The following NRXN3 variants were observed in gnomAD, a reference collection of about 807,000 sequenced individuals.
The protein encoded by NRXN3 is neurexin 3.
In NRXN3, 32 loss-of-function variants were observed where a neutral mutation model predicts 137.6. The ratio of observed to expected loss-of-function variants is 0.23; its 90% CI spans 0.18 to 0.31. The LOEUF (loss-of-function observed/expected upper bound fraction) is 0.31, where lower values mean the gene tolerates loss of function less well. NRXN3 is among the 10% of genes least tolerant of loss of function. NRXN3 has a pLI of 1.00. For missense variants in NRXN3, 1,574 were observed against 2,062.5 expected, an observed-to-expected ratio of 0.76 and a Z score of 4.59; for synonymous variants, 798 against 784.5, an observed-to-expected ratio of 1.02 and a Z score of -0.29.
chr14:78,931,290 G>C (rs1202164491), intron 10 of NRXN3, among the ~76,000 whole-genome samples: 1 of 152,064 alleles, frequency 6.6e-6, no homozygotes, highest in Non-Finnish European at 1.5e-5. Flanking sequence ...TTGGTTGTTG[G>C]GGGCAGTCGT....
intron 15 of NRXN3, among the ~76,000 whole-genome samples, chr14:79,329,220 T>C (rs1241371930): frequency 6.6e-6 from 1 of 152,178 alleles, no homozygotes; most frequent in Non-Finnish European, 1.5e-5. Context: ...CAGAATCTTC[T>C]ACTCCCGGGG....
intron 19 of NRXN3, among the ~76,000 whole-genome samples, chr14:79,721,610 T>G (rs2098844956): frequency 6.6e-6 from 1 of 152,106 alleles, no homozygotes; most frequent in South Asian, 2.1e-4. Context: ...AAGAGCTAAA[T>G]ACGTATAGGT....
At chr14:79,349,580 AC>A (rs1239919466) in intron 15 of NRXN3, among the ~76,000 whole-genome samples, 2 of 151,308 alleles carry the variant, frequency 1.3e-5, no homozygotes, top group Non-Finnish European at 2.9e-5. Flanking sequence ...ACACACACAC[AC>A]ACACACAGAC....
chr14:78,668,342 C>A (rs566677701), intron 6 of NRXN3, among the ~76,000 whole-genome samples: 3 of 152,244 alleles, frequency 2.0e-5, no homozygotes, highest in Non-Finnish European at 4.4e-5. Context: ...GTTTGGAATG[C>A]AAAGTGAACT....
At chr14:78,960,383 C>T (rs929456367) in intron 11 of NRXN3, among the ~76,000 whole-genome samples, 1 of 152,134 alleles carries the variant, frequency 6.6e-6, no homozygotes, top group Non-Finnish European at 1.5e-5. Context: ...TAAGTAGTAT[C>T]TCATTGGCTT....
chr14:78,196,807 G>T (rs148002728), intron 1 of NRXN3, among the ~76,000 whole-genome samples: 1 of 152,330 alleles, frequency 6.6e-6, no homozygotes, highest in East Asian at 1.9e-4. Context: ...ACGGGAGAAG[G>T]CTTCCTTACA....
intron 20 of NRXN3, among the ~76,000 whole-genome samples, chr14:79,811,456 C>T (rs866865691): frequency 1.4e-4 from 22 of 152,118 alleles, no homozygotes; most frequent in African/African-American, 4.8e-5. Context: ...ATTTTTCAAC[C>T]GCCTTCATTG....
At chr14:78,513,522 T>C (rs902149083) in intron 4 of NRXN3, among the ~76,000 whole-genome samples, 1 of 152,132 alleles carries the variant, frequency 6.6e-6, no homozygotes, top group Admixed American at 6.6e-5. Flanking sequence ...ATCTAGGCAA[T>C]CTCATTTCGC....
intron 6 of NRXN3, among the ~76,000 whole-genome samples, chr14:78,706,344 G>A (rs984550278): frequency 3.3e-5 from 5 of 152,226 alleles, no homozygotes; most frequent in African/African-American, 1.2e-4. Context: ...TTGAGTGATT[G>A]CCTGAGGATC....
chr14:79,169,239 A>G (rs770724651), intron 15 of NRXN3, among the ~76,000 whole-genome samples: 2 of 152,092 alleles, frequency 1.3e-5, no homozygotes, highest in Non-Finnish European at 2.9e-5. Context: ...GGCTGTCAGA[A>G]TGCTACATGC....
chr14:79,204,079 G>C (rs1361556050), intron 15 of NRXN3, among the ~76,000 whole-genome samples: 5 of 151,970 alleles, frequency 3.3e-5, no homozygotes, highest in Non-Finnish European at 2.9e-5. Flanking sequence ...ACATCCCCCT[G>C]TGTGTGGCCC....
chr14:79,178,263 T>A (rs190744388), intron 15 of NRXN3, among the ~76,000 whole-genome samples: 113 of 152,338 alleles, frequency 7.4e-4, no homozygotes, highest in African/African-American at 1.5e-3. Flanking sequence ...GCAATTTTTT[T>A]AAAAAAATTA....
intron 9 of NRXN3, among the ~76,000 whole-genome samples, chr14:78,805,113 AAT>A (rs1425262383): frequency 6.6e-6 from 1 of 151,964 alleles, no homozygotes; most frequent in Non-Finnish European, 1.5e-5. Flanking sequence ...ATAAACCTAA[AAT>A]CTCTGGGACA....
chr14:78,611,257 G>C (rs556532919), intron 4 of NRXN3, among the ~76,000 whole-genome samples: 5 of 152,278 alleles, frequency 3.3e-5, no homozygotes, highest in Admixed American at 2.0e-4. Flanking sequence ...TCAGCAGAAG[G>C]CTGTCATGCT....
intron 4 of NRXN3, among the ~76,000 whole-genome samples, chr14:78,318,406 CA>C (rs1339102452): frequency 1.3e-5 from 2 of 152,162 alleles, no homozygotes; most frequent in African/African-American, 2.4e-5. Context: ...GGTCACCTGA[CA>C]TGGATTGCTA....
chr14:78,578,956 G>GAAAAAAA (rs369168547), intron 4 of NRXN3, among the ~76,000 whole-genome samples: 1 of 140,226 alleles, frequency 7.1e-6, no homozygotes, highest in Non-Finnish European at 1.6e-5. Context: ...AAAGAAAAAA[G>GAAAAAAA]AAAAAAAAAA....
At chr14:78,910,470 C>G (rs2099233946) in intron 10 of NRXN3, among the ~76,000 whole-genome samples, 1 of 152,058 alleles carries the variant, frequency 6.6e-6, no homozygotes, top group African/African-American at 2.4e-5. Flanking sequence ...CAAATCATGA[C>G]TATTTGTTAT....
intron 4 of NRXN3, among the ~76,000 whole-genome samples, chr14:78,541,430 T>A (rs2096588552): frequency 2.0e-5 from 3 of 152,256 alleles, no homozygotes; most frequent in Admixed American, 2.0e-4. Flanking sequence ...TGTGTATGCA[T>A]CATGAAGTTC....
intron 15 of NRXN3, among the ~76,000 whole-genome samples, chr14:79,087,350 C>G (rs1366825452): frequency 1.3e-5 from 2 of 152,132 alleles, no homozygotes; most frequent in African/African-American, 4.8e-5. Context: ...TCTCCTTCAG[C>G]CTCTTGAACA....
Sources: allele counts gnomAD v4.1 joint callset (sites outside exome capture counted in the v4.1 genomes callset), GRCh38; gene constraint gnomAD v4.1.1; transcripts MANE v1.5; gene names NCBI Gene and HGNC (gene_info 2026-07-23, HGNC 2026-07-21).